The following CABLES1 variants were observed in gnomAD, a reference collection of about 807,000 sequenced individuals.
CABLES1 encodes CDK5 and ABL1 enzyme substrate 1.
Under a neutral mutation model 57.8 loss-of-function variants are expected in CABLES1, and 36 were observed. The ratio of observed to expected loss-of-function variants is 0.62; its 90% CI spans 0.48 to 0.82. The LOEUF is 0.82. Ranked by LOEUF, CABLES1 falls within the 40% of genes least tolerant of loss-of-function variation. CABLES1 has a pLI of 0.00. For synonymous variants in CABLES1, 374 were observed against 363.0 expected, an observed-to-expected ratio of 1.03 and a Z score of -0.35; for missense variants, 767 against 836.6, an observed-to-expected ratio of 0.92 and a Z score of 1.03.
At chr18:23,160,299 G>T (rs965784222) in intron 1 of CABLES1, among the ~76,000 whole-genome samples, 1 of 152,140 alleles carries the variant, frequency 6.6e-6, no homozygotes, top group Non-Finnish European at 1.5e-5. Context: ...AAAGTGCTGG[G>T]ATTACAGGCG....
rs1267515138 is a variant in CABLES1, at chr18:23,135,574, G to A, written c.-189G>A. The A allele has an allele frequency of 9.7e-6, 2 of 206,520 alleles. No homozygotes were observed. Among genetic ancestry groups the A allele is most frequent in the Non-Finnish European group, 1.7e-5 (2 of 118,700 alleles). The allele number at this position is 206,520 out of a possible 1,614,324, so 12.8% of individuals were successfully genotyped here. On this transcript the variant is annotated 5_prime_UTR_variant, in exon 1 of 10. Coordinates refer to ENST00000256925, the MANE Select transcript of CABLES1 (RefSeq NM_001100619.3). The stretch of plus-strand genomic sequence containing the variant: ...GCGAGGCGTGCGCGTGGGCCGGGGC[G>A]GCGGCGCCCCCATCCCCAGCACCGA...
chr18:23,137,937 C>T (rs970011243), intron 1 of CABLES1, among the ~76,000 whole-genome samples: 1 of 152,178 alleles, frequency 6.6e-6, no homozygotes, highest in African/African-American at 2.4e-5. Context: ...TCAGAGCATG[C>T]ATCTCCCCCG....
chr18:23,229,036 C>T (rs2047548278), intron 4 of CABLES1, among the ~76,000 whole-genome samples: 2 of 152,166 alleles, frequency 1.3e-5, no homozygotes, highest in African/African-American at 4.8e-5. Context: ...ACATTTTAAC[C>T]TAATATACAC....
intron 3 of CABLES1, among the ~76,000 whole-genome samples, chr18:23,205,099 G>A (rs1292081226): frequency 6.6e-6 from 1 of 151,954 alleles, no homozygotes; most frequent in East Asian, 1.9e-4. Flanking sequence ...ACTCAGGGCT[G>A]GACCACACTT....
At chr18:23,189,342 T>A (rs1292402876) in intron 2 of CABLES1, 2 of 173,840 alleles carry the variant, frequency 1.2e-5, no homozygotes, top group Non-Finnish European at 2.5e-5. Flanking sequence ...GAAGCCCAAT[T>A]AGGATAGTTG....
chr18:23,198,907 A>G (rs528209460), intron 3 of CABLES1, among the ~76,000 whole-genome samples: 1 of 152,372 alleles, frequency 6.6e-6, no homozygotes, highest in African/African-American at 2.4e-5. Context: ...TGTGGCAGTT[A>G]GTTCTGCAAC....
intron 1 of CABLES1, 61 bp from the exon 2 acceptor site, chr18:23,188,777 A>G: frequency 8.4e-7 from 1 of 1,188,616 alleles, no homozygotes; most frequent in South Asian, 1.2e-5. Flanking sequence ...AGATTTGCAC[A>G]AATGTCTGAT....
Position 23,258,166 on chromosome 18 carries a change from C to T in CABLES1, c.*799C>T, listed in dbSNP as rs184684421. On this transcript the variant is annotated 3_prime_UTR_variant, in exon 10 of 10. Transcript: ENST00000256925. ...TCGCGTGGAAGGACGTGGAGCGTGG[C>T]GCTCTGTAACTTCCTGCCGTCTGCC... 3 of 152,508 alleles carry T rather than the reference C, an allele frequency of 2.0e-5. No individual in the cohort carries two copies. The highest frequency in any genetic ancestry group is 6.5e-5 in the Admixed American group (1 of 15,288). The allele number at this position is 152,508 out of a possible 1,614,324, so 9.4% of individuals were successfully genotyped here.
At chr18:23,238,275 G>A (rs879328339) in intron 7 of CABLES1, among the ~76,000 whole-genome samples, 12 of 152,242 alleles carry the variant, frequency 7.9e-5, no homozygotes, top group South Asian at 2.1e-4. Flanking sequence ...AGGGTTCTCC[G>A]CTGTTTGTCA....
chr18:23,253,694 C>T, intron 8 of CABLES1, 35 bp from the exon 9 acceptor site: 1 of 1,581,310 alleles, frequency 6.3e-7, no homozygotes, highest in Non-Finnish European at 8.7e-7. Flanking sequence ...TCTAAGTTTT[C>T]ACAAGACTGT....
At chr18:23,159,177 C>G (rs2046985584) in intron 1 of CABLES1, among the ~76,000 whole-genome samples, 1 of 152,226 alleles carries the variant, frequency 6.6e-6, no homozygotes, top group Non-Finnish European at 1.5e-5. Context: ...GTTGGCCAGG[C>G]TGCTCTCGAA....
At chr18:23,217,334 C>T (rs1333024024) in intron 4 of CABLES1, among the ~76,000 whole-genome samples, 1 of 152,164 alleles carries the variant, frequency 6.6e-6, no homozygotes, top group Non-Finnish European at 1.5e-5. Context: ...CCTCCTGCCT[C>T]GGCCTCCTAA....
chr18:23,140,305 C>T (rs1337688879), intron 1 of CABLES1, among the ~76,000 whole-genome samples: 1 of 152,216 alleles, frequency 6.6e-6, no homozygotes, highest in Non-Finnish European at 1.5e-5. Flanking sequence ...CCCTGTGTTA[C>T]TCTACTTCCC....
chr18:23,238,016 C>T (rs1598849154), intron 7 of CABLES1, among the ~76,000 whole-genome samples: 2 of 151,796 alleles, frequency 1.3e-5, no homozygotes, highest in Non-Finnish European at 1.5e-5. Context: ...ACCCAGAATG[C>T]CCCCACCACC....
chr18:23,136,227 G>T lies in CABLES1; in HGVS notation c.465G>T (p.Ala155=). The part of the protein sequence containing the change: ...SLPPLIPGGH[A]TVSGPGVARG... ...CGCCCTTGATTCCTGGCGGCCATGC[G>T]ACCGTGTCCGGCCCCGGGGTGGCGC... Residue 155 remains alanine (A), a synonymous_variant, in exon 1 of 10, where the codon GCG becomes GCT. Coordinates refer to ENST00000256925, the MANE Select transcript of CABLES1 (RefSeq NM_001100619.3). 1 of 1,267,048 alleles carries T rather than the reference G, an allele frequency of 7.9e-7. No individual in the cohort carries two copies. Among genetic ancestry groups the T allele is most frequent in the South Asian group, 3.0e-5 (1 of 33,406 alleles). 78.5% of individuals were successfully genotyped at this position (1,267,048 alleles called of 1,614,324 possible).
At chr18:23,210,854 G>A (rs2047399750) in intron 3 of CABLES1, among the ~76,000 whole-genome samples, 1 of 152,090 alleles carries the variant, frequency 6.6e-6, no homozygotes, top group African/African-American at 2.4e-5. Flanking sequence ...GAAACTGAGG[G>A]TCTATGAAAT....
rs141416403 is a variant in CABLES1 at position 23,179,918 on chromosome 18, T to G, written c.846-8920T>G. On this transcript the variant is annotated intron_variant, in intron 1 of 9. Transcript: ENST00000256925. Reference sequence around the variant, plus strand: ...CAGTTTTGTTTTGTTTTTGTTTTTATTTTTGTTTTTTGTTTTTTGAGACGG... The same window carrying G: ...CAGTTTTGTTTTGTTTTTGTTTTTAGTTTTGTTTTTTGTTTTTTGAGACGG... Among the ~76,000 whole-genome samples the G allele has an allele frequency of 6.3e-3, 960 of 152,230 alleles. 10 individuals are homozygous for G. Among genetic ancestry groups the G allele is most frequent in the African/African-American group, 0.022 (913 of 41,526 alleles).
At chr18:23,147,039 C>T (rs923655898) in intron 1 of CABLES1, among the ~76,000 whole-genome samples, 3 of 152,170 alleles carry the variant, frequency 2.0e-5, no homozygotes, top group African/African-American at 4.8e-5. Context: ...GGCAAGCCAG[C>T]GCCTTCTCAT....
intron 4 of CABLES1, among the ~76,000 whole-genome samples, chr18:23,219,499 G>T (rs1044634999): frequency 1.3e-5 from 2 of 152,246 alleles, no homozygotes; most frequent in Admixed American, 6.5e-5. Context: ...GGATGATCCA[G>T]CTCCTCGTGA....
Sources: gnomAD v4.1 joint callset for allele counts (sites outside exome capture counted in the v4.1 genomes callset) on GRCh38, gnomAD v4.1.1 for gene constraint, MANE v1.5 for transcripts, NCBI Gene and HGNC (gene_info 2026-07-23, HGNC 2026-07-21) for gene names.